The following SFXN4 variants were observed in gnomAD, a reference collection of about 807,000 sequenced individuals.
SFXN4 encodes the protein sideroflexin-4.
A neutral mutation model predicts 54.6 loss-of-function variants in SFXN4; 48 were observed. That is an observed-to-expected ratio of 0.88 (90% CI 0.70 to 1.12). The LOEUF is 1.12. Ranked by LOEUF, SFXN4 falls within the 50% of genes most tolerant of loss-of-function variation. The probability of loss-of-function intolerance (pLI) is 0.00; values close to 1 mark genes in which losing one functional copy is unlikely to be tolerated. For synonymous variants in SFXN4, 130 were observed against 145.5 expected (o/e 0.89, Z 0.77); for missense variants, 383 against 409.2 (o/e 0.94, Z 0.55).
chr10:119,158,287 C>T (rs964824202), intron 6 of SFXN4: 8 of 577,728 alleles, frequency 1.4e-5, no homozygotes, highest in African/African-American at 1.1e-4. Flanking sequence ...AACAGCAGGC[C>T]GTGTCTCCAG....
intron 1 of SFXN4, chr10:119,165,152 G>A (rs1359720814): frequency 1.0e-6 from 1 of 994,192 alleles, no homozygotes; most frequent in Non-Finnish European, 1.2e-6. Flanking sequence ...TCCTGCCCAA[G>A]GGTGGCTTCC....
chr10:119,146,076 T>C (rs1298934637), intron 13 of SFXN4, among the ~76,000 whole-genome samples, 160 bp downstream of exon 13: 1 of 152,212 alleles, frequency 6.6e-6, no homozygotes, highest in Non-Finnish European at 1.5e-5. Context: ...TCTTCCCACC[T>C]TGGCCTCCCA....
chr10:119,154,677 CA>C (rs1276934539), intron 11 of SFXN4, among the ~76,000 whole-genome samples: 3 of 152,072 alleles, frequency 2.0e-5, no homozygotes, highest in Non-Finnish European at 4.4e-5. Flanking sequence ...ATTAAAAATA[CA>C]AAAATAAGCC....
At chr10:119,157,536 A>C in intron 9 of SFXN4, 132 bp downstream of exon 9, 1 of 682,152 alleles carries the variant, frequency 1.5e-6, no homozygotes, top group Non-Finnish European at 2.5e-6. Context: ...TAATACAATT[A>C]CAGGTGACTT....
At position 119,146,460 on chromosome 10, in the gene SFXN4, T is replaced by TGTGTGTGTGTGTGCGC. The variant is rs141608372; in HGVS notation, c.819-108_819-107insGCGCACACACACACAC. 3.9e-5 allele frequency: 22 copies of TGTGTGTGTGTGTGCGC among 570,920 alleles called. No homozygotes were observed. The African/African-American group carries it at 4.3e-4, about 11-fold the overall frequency. 35.4% of individuals were successfully genotyped at this position (570,920 alleles called of 1,614,324 possible). ...GTGTGTGTGTGTGTGTGTGTGTGTG[T>TGTGTGTGTGTGTGCGC]GCACGTGTGTGTGTACCTGAACACC... On this transcript the variant is annotated intron_variant, in intron 12 of 13. Transcript: ENST00000355697.
intron 11 of SFXN4, among the ~76,000 whole-genome samples, chr10:119,151,841 G>T (rs567993052): frequency 7.9e-5 from 12 of 151,860 alleles, no homozygotes; most frequent in African/African-American, 2.9e-4. Context: ...TGAGACAAGG[G>T]TCTCTTTCTG....
intron 3 of SFXN4, chr10:119,162,121 T>A: frequency 3.6e-6 from 2 of 550,098 alleles, no homozygotes; most frequent in Non-Finnish European, 6.4e-6. Flanking sequence ...GAATTCTAAC[T>A]ACATTTAAAA....
At chr10:119,163,152 C>A (rs1030067705) in intron 2 of SFXN4, among the ~76,000 whole-genome samples, 1 of 152,076 alleles carries the variant, frequency 6.6e-6, no homozygotes, top group African/African-American at 2.4e-5. Flanking sequence ...AATGGCTACA[C>A]ACTATAATCC....
intron 13 of SFXN4, among the ~76,000 whole-genome samples, chr10:119,143,145 C>A (rs545608040): frequency 1.3e-5 from 2 of 152,226 alleles, no homozygotes; most frequent in South Asian, 4.1e-4. Context: ...CCCCTTCCAA[C>A]CTTGCATGAC....
At chr10:119,165,063 A>C (rs1196326606) in intron 1 of SFXN4, 1 of 268,394 alleles carries the variant, frequency 3.7e-6, no homozygotes, top group African/African-American at 2.3e-5. Flanking sequence ...GAAAATGTTT[A>C]ATTACCTGTA....
intron 2 of SFXN4, among the ~76,000 whole-genome samples, chr10:119,163,308 C>T (rs1847630430): frequency 6.6e-6 from 1 of 151,952 alleles, no homozygotes; most frequent in Non-Finnish European, 1.5e-5. Context: ...TGTCCTCCAT[C>T]ACGTGGAAGA....
intron 13 of SFXN4, among the ~76,000 whole-genome samples, chr10:119,142,337 C>A (rs79488456): frequency 0.015 from 2,332 of 152,134 alleles, 56 homozygotes; most frequent in African/African-American, 0.054. Context: ...GGATTTTTTT[C>A]CTTGAGTATT....
rs546762739 is a variant in SFXN4, at chr10:119,153,271, C to T, written c.732+1791G>A. Among the ~76,000 whole-genome samples the T allele has an allele frequency of 3.9e-5, 6 of 151,958 alleles. No individual in the cohort carries two copies. In the East Asian group the frequency reaches 1.2e-3, roughly 30 times the overall value. ...ATAAAAAGCACAAGCATGAGCCAGG[C>T]ATGGTGGTGCATATTTAGAATCCCA... On this transcript the variant is annotated intron_variant, in intron 11 of 13. Coordinates refer to ENST00000355697, the MANE Select transcript of SFXN4 (RefSeq NM_213649.2).
At chr10:119,144,610 GA>G (rs748033228) in intron 13 of SFXN4, among the ~76,000 whole-genome samples, 1 of 151,642 alleles carries the variant, frequency 6.6e-6, no homozygotes, top group Non-Finnish European at 1.5e-5. Context: ...ACCCTTTGCA[GA>G]GATGCCATTA....
rs61268542 is a variant in SFXN4, at chr10:119,161,437, C to CCAAA, written c.253-357_253-356insTTTG. On this transcript the variant is annotated intron_variant, in intron 3 of 13. Coordinates refer to ENST00000355697, the MANE Select transcript of SFXN4 (RefSeq NM_213649.2). ...AAACAACAACAACAACAAAAAAAAA[C>CCAAA]AAAAAAAAAAAAAAAGCTTTTAAAG... is the stretch of plus-strand genomic sequence containing the variant. Among the ~76,000 whole-genome samples the CCAAA allele has an allele frequency of 1.7e-3, 202 of 119,802 alleles. 5 individuals carry two copies. The highest frequency in any genetic ancestry group is 2.5e-3 in the South Asian group (9 of 3,644). The allele number at this position is 119,802 out of a possible 152,430, so 78.6% of individuals were successfully genotyped here.
intron 11 of SFXN4, 57 bp downstream of exon 11, chr10:119,155,005 G>C: frequency 8.2e-7 from 1 of 1,212,248 alleles, no homozygotes; most frequent in Non-Finnish European, 1.2e-6. Flanking sequence ...CTTTCAAACA[G>C]AAAAGTCTAG....
chr10:119,162,864 T>C (rs146583495), intron 2 of SFXN4, among the ~76,000 whole-genome samples: 1 of 152,156 alleles, frequency 6.6e-6, no homozygotes, highest in East Asian at 1.9e-4. Context: ...GGTGTGATCA[T>C]AGCTCACTGC....
intron 11 of SFXN4, among the ~76,000 whole-genome samples, chr10:119,149,964 G>A (rs754845397): frequency 2.9e-4 from 44 of 152,128 alleles, no homozygotes; most frequent in Non-Finnish European, 5.9e-4. Context: ...GGGGCCAGTC[G>A]GGGGAAACAA....
intron 6 of SFXN4, among the ~76,000 whole-genome samples, 184 bp downstream of exon 6, chr10:119,159,544 G>A (rs886385250): frequency 1.2e-5 from 1 of 81,784 alleles, no homozygotes; most frequent in Non-Finnish European, 3.3e-5. Flanking sequence ...GTGTGGGGAG[G>A]GGGAGGGAGT....
Sources: gnomAD v4.1 joint callset for allele counts (sites outside exome capture counted in the v4.1 genomes callset) on GRCh38, gnomAD v4.1.1 for gene constraint, MANE v1.5 for transcripts, NCBI Gene and HGNC (gene_info 2026-07-23, HGNC 2026-07-21) for gene names.